H3C4: variants seen among roughly 807,000 people sequenced by gnomAD.
H3C4 encodes the protein histone H3.1.
A neutral mutation model predicts 8.7 loss-of-function variants in H3C4; 10 were observed. The ratio of observed to expected loss-of-function variants is 1.15; its 90% CI spans 0.71 to 1.96. The LOEUF (loss-of-function observed/expected upper bound fraction) is 1.96, where lower values mean the gene tolerates loss of function less well. Among genes scored for constraint, H3C4 ranks in the 30% most tolerant of loss-of-function variants. The pLI is 0.00. For synonymous variants in H3C4, 141 were observed against 80.1 expected (o/e 1.76, Z -4.06); for missense variants, 216 against 192.9 (o/e 1.12, Z -0.71).
upstream of H3C4, among the ~76,000 whole-genome samples, chr6:26,198,214 C>G (rs1765026353): frequency 6.6e-6 from 1 of 152,200 alleles, no homozygotes; most frequent in African/African-American, 2.4e-5. Context: ...CAAACATTAA[C>G]TTCTCTCCTG....
At chr6:26,198,714 G>A (rs373940597), upstream of H3C4, 1,001 of 814,280 alleles carry the variant, frequency 1.2e-3, 10 homozygotes, top group South Asian at 9.6e-3. Context: ...ACTTATAAAT[G>A]GAAAAATTAT....
Position 26,197,044 on chromosome 6 carries a change from C to G in H3C4, c.207G>C (p.Gln69His). 2 of 1,614,232 alleles carry G rather than the reference C, an allele frequency of 1.2e-6. No homozygotes were observed. Among genetic ancestry groups the G allele is most frequent in the Middle Eastern group, 1.6e-4 (1 of 6,062 alleles). Reference protein sequence around the residue: ...TELLIRKLPFQRLVREIAQDF... With the variant: ...TELLIRKLPFHRLVREIAQDF... ...CCTGCGCGATCTCACGGACTAGACG[C>G]TGGAATGGCAGTTTGCGAATCAGCA... is the stretch of plus-strand genomic sequence containing the variant. The change falls in exon 1 of 1, where the codon CAG (glutamine) becomes CAC (histidine). Residue 69 changes from glutamine (Q) to histidine (H), a missense_variant. Coordinates refer to ENST00000356476, the MANE Select transcript of H3C4 (RefSeq NM_001376937.1).
At chr6:26,197,324 C>A (rs1371253946), upstream of H3C4, 1 of 1,503,352 alleles carries the variant, frequency 6.7e-7, no homozygotes, top group Non-Finnish European at 9.0e-7. Context: ...TATAAAGACA[C>A]CCCTGTTCTG....
upstream of H3C4, among the ~76,000 whole-genome samples, chr6:26,197,704 CTTGGAGATA>C (rs571797408): frequency 1.9e-3 from 292 of 152,114 alleles, 1 homozygote; most frequent in African/African-American, 6.6e-3. Context: ...TCTATTTAAA[CTTGGAGATA>C]TTTTCAATAA....
upstream of H3C4, among the ~76,000 whole-genome samples, chr6:26,198,548 G>A (rs571927024): frequency 2.6e-5 from 4 of 152,134 alleles, no homozygotes; most frequent in Non-Finnish European, 4.4e-5. Context: ...TGGTCAGGCT[G>A]TCCTGGAACT....
At chr6:26,197,295 A>C (rs955135368), upstream of H3C4, 3 of 1,583,896 alleles carry the variant, frequency 1.9e-6, no homozygotes, top group Admixed American at 4.0e-5. Flanking sequence ...ACGAAAGTCT[A>C]GCCTTTCGTA....
At chr6:26,197,571 A>T (rs1187775096), upstream of H3C4, among the ~76,000 whole-genome samples, 1 of 151,922 alleles carries the variant, frequency 6.6e-6, no homozygotes, top group Non-Finnish European at 1.5e-5. Flanking sequence ...ATTTTTTTTT[A>T]AATGTTGGCG....
chr6:26,198,882 G>A, upstream of H3C4: 2 of 1,614,190 alleles, frequency 1.2e-6, no homozygotes, highest in African/African-American at 1.3e-5. Context: ...GTGACTCTCA[G>A]TCTTCTTGGG....
upstream of H3C4, chr6:26,198,707 T>G (rs900591334): frequency 1.5e-5 from 12 of 774,418 alleles, no homozygotes; most frequent in Admixed American, 3.2e-5. Flanking sequence ...AACACCCACT[T>G]ATAAATGGAA....
At chr6:26,198,944 T>A (rs1477875361), upstream of H3C4, 1 of 1,614,238 alleles carries the variant, frequency 6.2e-7, no homozygotes, top group African/African-American at 1.3e-5. Context: ...CAATTGTGAC[T>A]TTACCCAGCA....
upstream of H3C4, chr6:26,199,239 G>A (rs750001226): frequency 5.6e-6 from 9 of 1,594,644 alleles, no homozygotes; most frequent in African/African-American, 2.7e-5. Context: ...GCCGCGTCCG[G>A]ACATTTTGAA....
chr6:26,198,876 C>T (rs1239187988), upstream of H3C4: 12 of 1,614,018 alleles, frequency 7.4e-6, no homozygotes, highest in South Asian at 1.1e-5. Flanking sequence ...CTTGTGGTGA[C>T]TCTCAGTCTT....
rs138527852 is a variant in H3C4 at position 26,196,963 on chromosome 6, G to A, written c.288C>T (p.Ala96=). 216 of 1,614,104 alleles carry A rather than the reference G, an allele frequency of 1.3e-4. No homozygotes were observed. The African/African-American group carries it at 2.3e-3, about 18-fold the overall frequency. ...QSSAVMALQE[A]CEAYLVGLFE... ...ACAGCCCCACCAGGTAGGCCTCGCA[G>A]GCCTCCTGCAGCGCCATCACCGCCG... is the stretch of plus-strand genomic sequence containing the variant. Residue 96 remains alanine, a synonymous_variant, in exon 1 of 1, where the codon GCC becomes GCT. Coordinates refer to ENST00000356476, the MANE Select transcript of H3C4 (RefSeq NM_001376937.1).
In H3C4 at chr6:26,197,147, C is replaced by T; in HGVS notation, c.104G>A (p.Gly35Asp). 1 of 1,614,166 alleles carries T rather than the reference C, an allele frequency of 6.2e-7. No homozygotes were observed. The highest frequency in any genetic ancestry group is 8.5e-7 in the Non-Finnish European group (1 of 1,180,022). ...CCGGTAACGGTGGGGCTTCTTCACG[C>T]CGCCGGTGGCTGGAGCGCTCTTTCG... is the stretch of plus-strand genomic sequence containing the variant. ...AARKSAPATG[G>D]VKKPHRYRPG... Residue 35 changes from glycine to aspartate, a missense_variant, in exon 1 of 1, where the codon GGC becomes GAC. Physicochemically the swap from Gly to Asp is moderately conservative, Grantham distance 94. Coordinates refer to ENST00000356476, the MANE Select transcript of H3C4 (RefSeq NM_001376937.1).
At chr6:26,198,518 G>C (rs1198083681), upstream of H3C4, among the ~76,000 whole-genome samples, 4 of 152,072 alleles carry the variant, frequency 2.6e-5, no homozygotes, top group Admixed American at 1.3e-4. Context: ...TTTTAGTAAA[G>C]ACGGGGCTTC....
chr6:26,198,806 T>C, upstream of H3C4: 2 of 1,587,186 alleles, frequency 1.3e-6, no homozygotes, highest in Non-Finnish European at 1.7e-6. Context: ...AAAAGAGCCT[T>C]TGTTAAGACT....
At chr6:26,199,246 T>A, upstream of H3C4, 1 of 1,592,254 alleles carries the variant, frequency 6.3e-7, no homozygotes, top group Non-Finnish European at 8.5e-7. Context: ...CCGGACATTT[T>A]GAATTCTTAA....
At chr6:26,198,824 TAA>T (rs756050081), upstream of H3C4, 15 of 1,602,436 alleles carry the variant, frequency 9.4e-6, no homozygotes, top group East Asian at 6.7e-5. Flanking sequence ...ACTGCTTCCT[TAA>T]AAAGCCAATA....
upstream of H3C4, chr6:26,198,982 T>A (rs772031491): frequency 2.5e-6 from 4 of 1,614,212 alleles, no homozygotes; most frequent in Non-Finnish European, 2.5e-6. Context: ...TCGTTGCGGA[T>A]GGCCAGCTGC....
Sources: gnomAD v4.1 joint callset for allele counts (sites outside exome capture counted in the v4.1 genomes callset) on GRCh38, gnomAD v4.1.1 for gene constraint, MANE v1.5 for transcripts, NCBI Gene and HGNC (gene_info 2026-07-23, HGNC 2026-07-21) for gene names.